Variants in LDLRAD4 observed in about 807,000 individuals in gnomAD.
LDLRAD4 encodes low-density lipoprotein receptor class A domain-containing protein 4.
Under a neutral mutation model 17.0 loss-of-function variants are expected in LDLRAD4, and 5 were observed. The observed-to-expected ratio is 0.29, with a 90% CI of 0.15 to 0.62. LDLRAD4 has a LOEUF of 0.62. Ranked by LOEUF, LDLRAD4 falls within the 20% of genes least tolerant of loss-of-function variation. LDLRAD4 has a pLI of 0.84. For synonymous variants in LDLRAD4, 168 were observed against 171.8 expected (o/e 0.98, Z 0.17); for missense variants, 340 against 424.7 (o/e 0.80, Z 1.75).
intron 3 of LDLRAD4, among the ~76,000 whole-genome samples, chr18:13,498,317 C>CAT (rs1472871313): frequency 0.029 from 2,172 of 74,866 alleles, 189 homozygotes; most frequent in African/African-American, 0.09. Context: ...TCTGCCCACA[C>CAT]ACGTCCTGCC....
intron 1 of LDLRAD4, among the ~76,000 whole-genome samples, chr18:13,283,379 C>A (rs552929248): frequency 6.6e-6 from 1 of 152,216 alleles, no homozygotes; most frequent in African/African-American, 2.4e-5. Flanking sequence ...CCCAAGTCAC[C>A]TTTGGATGCT....
intron 3 of LDLRAD4, chr18:13,614,045 C>G (rs867598179): frequency 1.9e-4 from 29 of 152,182 alleles, no homozygotes; most frequent in African/African-American, 6.5e-4. Context: ...TTTAGCAAAA[C>G]TCCAGCACCA....
chr18:13,513,958 A>G (rs1261554029), intron 3 of LDLRAD4, among the ~76,000 whole-genome samples: 4 of 152,252 alleles, frequency 2.6e-5, no homozygotes, highest in African/African-American at 7.2e-5. Flanking sequence ...GCCATAGCTC[A>G]CCATTGTGGA....
At chr18:13,289,150 A>G (rs1257505436) in intron 1 of LDLRAD4, among the ~76,000 whole-genome samples, 1 of 152,240 alleles carries the variant, frequency 6.6e-6, no homozygotes, top group African/African-American at 2.4e-5. Flanking sequence ...AGGTCCCAGC[A>G]CTGGAGCTGT....
At chr18:13,425,454 G>A (rs2089850115) in intron 2 of LDLRAD4, among the ~76,000 whole-genome samples, 2 of 152,188 alleles carry the variant, frequency 1.3e-5, no homozygotes, top group Admixed American at 1.3e-4. Context: ...ATAGTATTGA[G>A]AAAACCTGGA....
intron 1 of LDLRAD4, among the ~76,000 whole-genome samples, chr18:13,250,965 CA>C (rs2043197139): frequency 6.6e-6 from 1 of 152,046 alleles, no homozygotes; most frequent in Non-Finnish European, 1.5e-5. Context: ...AATATAGATG[CA>C]AAAATCCTAC....
intron 3 of LDLRAD4, among the ~76,000 whole-genome samples, chr18:13,518,152 T>C (rs545416194): frequency 6.6e-6 from 1 of 152,218 alleles, no homozygotes; most frequent in Non-Finnish European, 1.5e-5. Flanking sequence ...TCCTCAAACA[T>C]TGCCTCCGTC....
At chr18:13,246,279 A>G (rs1376605137) in intron 1 of LDLRAD4, among the ~76,000 whole-genome samples, 1 of 152,114 alleles carries the variant, frequency 6.6e-6, no homozygotes, top group East Asian at 1.9e-4. Flanking sequence ...CCATGCTGAG[A>G]CTGCACTGTG....
At chr18:13,226,213 G>T (rs2041796193) in intron 1 of LDLRAD4, among the ~76,000 whole-genome samples, 1 of 25,620 alleles carries the variant, frequency 3.9e-5, no homozygotes, top group Admixed American at 5.7e-4. Flanking sequence ...TAGAGACCGG[G>T]TTTCGCCATG....
chr18:13,300,993 C>A lies in LDLRAD4; in HGVS notation c.-383+22805C>A, dbSNP rs1030105770. ...GCGCCCTGAGGAGCATGTGTGTCTC[C>A]GCACTATGCCCTCAGCGGCCGCTGG... On this transcript the variant is annotated intron_variant, in intron 1 of 5. Coordinates refer to ENST00000359446, the Ensembl canonical transcript of LDLRAD4. The surrounding 1 kb of genome is among the most constrained non-coding windows in gnomAD (Gnocchi z 4.2). Among the ~76,000 whole-genome samples the A allele has an allele frequency of 6.6e-6, 1 of 152,216 alleles. No individual in the cohort carries two copies. The highest frequency in any genetic ancestry group is 2.4e-5 in the African/African-American group (1 of 41,460).
At chr18:13,474,598 G>T (rs1568215563) in intron 3 of LDLRAD4, among the ~76,000 whole-genome samples, 1 of 152,244 alleles carries the variant, frequency 6.6e-6, no homozygotes, top group Non-Finnish European at 1.5e-5. Context: ...CCAGAGGATG[G>T]TCTGCAGGGG....
At position 13,387,763 on chromosome 18, in the gene LDLRAD4, G is replaced by A. The variant is rs769236210; in HGVS notation, c.40+1G>A. 2 of 1,613,668 alleles carry A rather than the reference G, an allele frequency of 1.2e-6. No individual in the cohort carries two copies. The highest frequency in any genetic ancestry group is 1.7e-6 in the Non-Finnish European group (2 of 1,179,568). On this transcript the variant is annotated splice_donor_variant, in intron 2 of 5. Transcript: ENST00000359446. LOFTEE classifies it high-confidence loss of function. ...TTTCAGGCCACAAATGCTTTCACAGGTGAGCATGCTCCAGGTAATCCGAGG... is the reference window on the plus strand; with the variant it reads ...TTTCAGGCCACAAATGCTTTCACAGATGAGCATGCTCCAGGTAATCCGAGG...
intron 1 of LDLRAD4, among the ~76,000 whole-genome samples, chr18:13,270,803 A>G (rs1403172873): frequency 2.0e-5 from 3 of 152,250 alleles, no homozygotes; most frequent in Non-Finnish European, 4.4e-5. Context: ...AGAAGGGAAG[A>G]GAAAATGTAT....
At chr18:13,317,460 T>G (rs903998386) in intron 1 of LDLRAD4, among the ~76,000 whole-genome samples, 5 of 152,250 alleles carry the variant, frequency 3.3e-5, no homozygotes, top group Non-Finnish European at 7.3e-5. Context: ...CAGATAAGAT[T>G]TCTTCACTAG....
rs1025395142 is a variant in LDLRAD4 at position 13,268,509 on chromosome 18, T to C, written c.-466-9596T>C. ...GGAGCCTCACACCGCAGGCTGCCCT[T>C]TAGCTGTTCCCTTGGAATGCAGCCT... On this transcript the variant is annotated intron_variant, in intron 1 of 5. Transcript: ENST00000399848. Among the ~76,000 whole-genome samples the C allele has an allele frequency of 3.3e-5, 5 of 152,226 alleles. No homozygotes were observed. The East Asian group carries it at 9.6e-4, about 29-fold the overall frequency.
chr18:13,292,714 A>G (rs1347026327), intron 1 of LDLRAD4, among the ~76,000 whole-genome samples: 2 of 152,230 alleles, frequency 1.3e-5, no homozygotes, highest in Non-Finnish European at 2.9e-5. Flanking sequence ...TTAGCAGCAC[A>G]GTGTTTTCTG....
Position 13,234,054 on chromosome 18 carries a change from C to T in LDLRAD4, c.-467+15066C>T, listed in dbSNP as rs147042089. ...ACCTATTTGTTCTGCCTCCAGCGTT[C>T]GTCCCAATATGATCACTTTTCACTG... is the stretch of plus-strand genomic sequence containing the variant. On this transcript the variant is annotated intron_variant, in intron 1 of 5. Transcript: ENST00000399848. Among the ~76,000 whole-genome samples, 382 of 152,322 alleles carry T rather than the reference C, an allele frequency of 2.5e-3. 1 individual carries two copies. The highest frequency in any genetic ancestry group is 8.6e-3 in the African/African-American group (356 of 41,566).
chr18:13,267,352 C>T (rs560477258), intron 1 of LDLRAD4, among the ~76,000 whole-genome samples: 2 of 152,302 alleles, frequency 1.3e-5, no homozygotes, highest in Admixed American at 6.5e-5. Flanking sequence ...TGCACACAGG[C>T]CTGCAGCCTT....
At chr18:13,585,881 T>C (rs1006428630) in intron 3 of LDLRAD4, among the ~76,000 whole-genome samples, 2 of 152,196 alleles carry the variant, frequency 1.3e-5, no homozygotes, top group Admixed American at 6.5e-5. Flanking sequence ...ATAGGAGAAC[T>C]GAAAGTTAGC....
Sources: allele counts gnomAD v4.1 joint callset (sites outside exome capture counted in the v4.1 genomes callset), GRCh38; gene constraint gnomAD v4.1.1; non-coding constraint Gnocchi (gnomAD v3.1); transcripts MANE v1.5; gene names NCBI Gene and HGNC (gene_info 2026-07-23, HGNC 2026-07-21).